Variants in PDZRN3 observed in about 807,000 individuals in gnomAD.
PDZRN3 encodes the protein E3 ubiquitin-protein ligase PDZRN3.
A neutral mutation model predicts 85.7 loss-of-function variants in PDZRN3; 38 were observed. The observed-to-expected ratio is 0.44, with a 90% CI of 0.34 to 0.58. The LOEUF (loss-of-function observed/expected upper bound fraction) is 0.58. PDZRN3 is among the 20% of genes least tolerant of loss of function. PDZRN3 has a pLI of 0.01. For synonymous variants in PDZRN3, 759 were observed against 638.0 expected, an observed-to-expected ratio of 1.19 and a Z score of -2.86; for missense variants, 1,629 against 1,506.4, an observed-to-expected ratio of 1.08 and a Z score of -1.35.
chr3:73,409,081 A>C (rs956254797), intron 3 of PDZRN3, among the ~76,000 whole-genome samples: 2 of 152,216 alleles, frequency 1.3e-5, no homozygotes, highest in African/African-American at 4.8e-5. Context: ...AAACTTTATT[A>C]TAAATTAAAT....
chr3:73,485,968 C>T (rs1703653567), intron 3 of PDZRN3, among the ~76,000 whole-genome samples: 1 of 152,190 alleles, frequency 6.6e-6, no homozygotes, highest in Non-Finnish European at 1.5e-5. Flanking sequence ...TTGCTGTTTC[C>T]AATTTCTTTA....
At chr3:73,583,288 T>C (rs1702227166) in intron 3 of PDZRN3, among the ~76,000 whole-genome samples, 1 of 152,232 alleles carries the variant, frequency 6.6e-6, no homozygotes, top group Non-Finnish European at 1.5e-5. Flanking sequence ...ACAGCTAGCT[T>C]ACCCTTATCC....
chr3:73,616,485 T>A (rs371229224), intron 1 of PDZRN3, among the ~76,000 whole-genome samples: 5 of 152,200 alleles, frequency 3.3e-5, no homozygotes, highest in East Asian at 3.8e-4. Context: ...CCCTCCACCT[T>A]TACATCTTAG....
intron 3 of PDZRN3, among the ~76,000 whole-genome samples, chr3:73,443,709 G>A (rs896708076): frequency 6.6e-6 from 1 of 151,620 alleles, no homozygotes; most frequent in African/African-American, 2.4e-5. Context: ...GCTCAGGCTG[G>A]TCTTGAACTC....
At chr3:73,411,260 C>T (rs1024498700) in intron 3 of PDZRN3, among the ~76,000 whole-genome samples, 5 of 152,222 alleles carry the variant, frequency 3.3e-5, no homozygotes, top group Non-Finnish European at 7.3e-5. Flanking sequence ...TCTCTGGTTT[C>T]TGCACTGCAA....
intron 3 of PDZRN3, among the ~76,000 whole-genome samples, chr3:73,529,848 C>G (rs1046999752): frequency 1.1e-4 from 17 of 152,182 alleles, no homozygotes; most frequent in Non-Finnish European, 2.4e-4. Flanking sequence ...TTAGGCAAGT[C>G]ATTTAATCTC....
At chr3:73,497,528 G>A (rs989945172) in intron 3 of PDZRN3, among the ~76,000 whole-genome samples, 2 of 152,178 alleles carry the variant, frequency 1.3e-5, no homozygotes, top group African/African-American at 4.8e-5. Context: ...AAAACTCAAA[G>A]TACAGAAAGG....
chr3:73,450,622 G>C (rs1179522508), intron 3 of PDZRN3, among the ~76,000 whole-genome samples: 1 of 152,196 alleles, frequency 6.6e-6, no homozygotes, highest in Non-Finnish European at 1.5e-5. Context: ...TAGCTTGTGT[G>C]ATTTTCCAAA....
At chr3:73,551,473 A>C (rs1356678529) in intron 3 of PDZRN3, among the ~76,000 whole-genome samples, 2 of 152,174 alleles carry the variant, frequency 1.3e-5, no homozygotes, top group Non-Finnish European at 2.9e-5. Context: ...GCTTGAGCCC[A>C]GGAGTTTGAG....
intron 3 of PDZRN3, among the ~76,000 whole-genome samples, chr3:73,408,895 T>G (rs1701909319): frequency 1.3e-5 from 2 of 152,056 alleles, no homozygotes; most frequent in Non-Finnish European, 2.9e-5. Flanking sequence ...GCATCTACAT[T>G]ACACAAAACA....
chr3:73,479,000 T>C (rs968040543), intron 3 of PDZRN3, among the ~76,000 whole-genome samples: 53 of 152,246 alleles, frequency 3.5e-4, no homozygotes, highest in Non-Finnish European at 2.1e-4. Context: ...CAATTACTTT[T>C]GCACCAACCT....
chr3:73,487,592 C>T (rs1703687928), intron 3 of PDZRN3, among the ~76,000 whole-genome samples: 1 of 152,174 alleles, frequency 6.6e-6, no homozygotes, highest in African/African-American at 2.4e-5. Context: ...CTCCTGTGAC[C>T]CTAAGCTTTC....
At chr3:73,556,177 A>C (rs1701690149) in intron 3 of PDZRN3, among the ~76,000 whole-genome samples, 1 of 152,160 alleles carries the variant, frequency 6.6e-6, no homozygotes, top group Non-Finnish European at 1.5e-5. Context: ...CATCAAGAAA[A>C]TCTCACATTT....
chr3:73,439,633 A>C (rs1186477981), intron 3 of PDZRN3, among the ~76,000 whole-genome samples: 1 of 152,252 alleles, frequency 6.6e-6, no homozygotes, highest in African/African-American at 2.4e-5. Flanking sequence ...TGCACACACA[A>C]AAAATGTCAA....
Position 73,391,042 on chromosome 3 carries a change from G to A in PDZRN3, c.1329C>T (p.Asp443=), listed in dbSNP as rs779662431. The stretch of plus-strand genomic sequence containing the variant: ...CCTCACTGATATAAATCCCAATGTC[G>A]TCTTCATCGTCCGTCCGGTAGCACA... ...LTVCYRTDDE[D]DIGIYISEID... Residue 443 remains aspartate, a synonymous_variant, in exon 6 of 10, where the codon GAC becomes GAT. Transcript: ENST00000263666. 47 of 1,612,592 alleles carry A rather than the reference G, an allele frequency of 2.9e-5. No individual in the cohort carries two copies. The highest frequency in any genetic ancestry group is 3.3e-4 in the Middle Eastern group (2 of 6,080).
intron 8 of PDZRN3, 84 bp downstream of exon 8, chr3:73,387,884 A>G (rs1467646752): frequency 1.2e-5 from 8 of 662,208 alleles, no homozygotes; most frequent in Middle Eastern, 2.5e-4. Flanking sequence ...TTCGCAGCCA[A>G]TACTCAGGTG....
intron 3 of PDZRN3, among the ~76,000 whole-genome samples, chr3:73,491,939 T>C (rs941572972): frequency 6.6e-6 from 1 of 151,938 alleles, no homozygotes; most frequent in African/African-American, 2.4e-5. Flanking sequence ...GGTTCACACG[T>C]CTCAGGGTAC....
At chr3:73,489,213 T>C (rs1345489071) in intron 3 of PDZRN3, among the ~76,000 whole-genome samples, 4 of 152,218 alleles carry the variant, frequency 2.6e-5, no homozygotes, top group Admixed American at 1.3e-4. Flanking sequence ...TGAAAATGCA[T>C]GGCATTAAAT....
At chr3:73,462,486 C>T (rs558304534) in intron 3 of PDZRN3, among the ~76,000 whole-genome samples, 3 of 138,518 alleles carry the variant, frequency 2.2e-5, no homozygotes, top group East Asian at 2.2e-4. Flanking sequence ...CAGAGCTTGC[C>T]GTGAGTGAGA....
Sources: allele counts gnomAD v4.1 joint callset (sites outside exome capture counted in the v4.1 genomes callset), GRCh38; gene constraint gnomAD v4.1.1; transcripts MANE v1.5; gene names NCBI Gene and HGNC (gene_info 2026-07-23, HGNC 2026-07-21).